Variants in FMN1 observed in about 807,000 individuals in gnomAD.
FMN1 encodes the protein formin 1, also known as formin-1.
Under a neutral mutation model 132.4 loss-of-function variants are expected in FMN1, and 110 were observed. The ratio of observed to expected loss-of-function variants is 0.83; its 90% CI spans 0.71 to 0.97. The LOEUF (loss-of-function observed/expected upper bound fraction) is 0.97. Among genes scored for constraint, FMN1 ranks in the 50% least tolerant of loss-of-function variants. The probability of loss-of-function intolerance (pLI) is 0.00; values close to 1 mark genes in which losing one functional copy is unlikely to be tolerated. For missense variants in FMN1, 1,792 were observed against 1,705.3 expected (o/e 1.05, Z -0.90); for synonymous variants, 722 against 651.7 (o/e 1.11, Z -1.64).
intron 4 of FMN1, chr15:33,149,661 G>T (rs1297158315): frequency 5.3e-6 from 2 of 376,744 alleles, no homozygotes; most frequent in East Asian, 1.7e-4. Context: ...TATATGGGTA[G>T]AATATGGCTG....
At chr15:32,933,692 T>G (rs777974762) in intron 9 of FMN1, among the ~76,000 whole-genome samples, 2 of 152,174 alleles carry the variant, frequency 1.3e-5, no homozygotes, top group Non-Finnish European at 2.9e-5. Flanking sequence ...GAATTGACCC[T>G]TTTATCATTA....
intron 6 of FMN1, among the ~76,000 whole-genome samples, chr15:33,061,817 G>T (rs992362796): frequency 1.3e-5 from 2 of 151,496 alleles, no homozygotes; most frequent in African/African-American, 4.8e-5. Flanking sequence ...TAGCAATTTA[G>T]AAAAAAAAGT....
intron 4 of FMN1, among the ~76,000 whole-genome samples, chr15:33,119,735 T>C (rs1962374715): frequency 6.6e-6 from 1 of 152,214 alleles, no homozygotes; most frequent in Non-Finnish European, 1.5e-5. Flanking sequence ...TAAGCTCTCA[T>C]ATTCTAAAAA....
chr15:33,152,250 A>G (rs1394143295), intron 4 of FMN1, among the ~76,000 whole-genome samples: 2 of 152,228 alleles, frequency 1.3e-5, no homozygotes, highest in African/African-American at 2.4e-5. Context: ...TTTTGGTCCT[A>G]TTGAATCCAC....
chr15:33,019,065 G>C (rs375220201), intron 6 of FMN1, among the ~76,000 whole-genome samples: 48 of 152,274 alleles, frequency 3.2e-4, no homozygotes, highest in East Asian at 3.9e-4. Flanking sequence ...TGCTGGCTCC[G>C]GCAGCCTGCT....
intron 6 of FMN1, among the ~76,000 whole-genome samples, chr15:33,020,133 T>A (rs753164607): frequency 1.3e-5 from 2 of 152,172 alleles, no homozygotes; most frequent in Admixed American, 6.5e-5. Context: ...AACCCCTACT[T>A]GAAGTTGGTC....
chr15:32,936,010 T>G (rs1296496708), intron 9 of FMN1, among the ~76,000 whole-genome samples: 1 of 152,186 alleles, frequency 6.6e-6, no homozygotes, highest in Non-Finnish European at 1.5e-5. Context: ...TCTGCTTCAT[T>G]AAGTCTGCTA....
chr15:33,127,168 A>G (rs1350778709), intron 4 of FMN1, among the ~76,000 whole-genome samples: 1 of 134,310 alleles, frequency 7.4e-6, no homozygotes, highest in Non-Finnish European at 1.7e-5. Flanking sequence ...TCTCTCAAAC[A>G]GAGAGGAGGT....
intron 17 of FMN1, among the ~76,000 whole-genome samples, chr15:32,829,745 A>G (rs2141151033): frequency 6.6e-6 from 1 of 152,308 alleles, no homozygotes; most frequent in East Asian, 1.9e-4. Flanking sequence ...TTACCTGTTT[A>G]AAGGGTAAGA....
At chr15:32,810,746 T>C in intron 17 of FMN1, 1 of 215,492 alleles carries the variant, frequency 4.6e-6, no homozygotes, top group Non-Finnish European at 9.5e-6. Flanking sequence ...TATTTATGGA[T>C]GCCCATCTGG....
intron 6 of FMN1, among the ~76,000 whole-genome samples, chr15:33,048,644 A>AAAAAAAAAAAAAAAAACAAAAACAAAAAC: frequency 3.5e-4 from 30 of 86,930 alleles, no homozygotes; most frequent in African/African-American, 9.9e-4. Context: ...AAAAAAAAAA[A>AAAAAAAAAAAAAAAAACAAAAACAAAAAC]AAAAACCAAC....
At chr15:33,069,599 A>G (rs1051996319) in intron 5 of FMN1, among the ~76,000 whole-genome samples, 5 of 152,230 alleles carry the variant, frequency 3.3e-5, no homozygotes, top group Admixed American at 6.5e-5. Flanking sequence ...TCAGTACTAA[A>G]AACAATCTAA....
chr15:32,806,830 C>T (rs983375979), intron 17 of FMN1, among the ~76,000 whole-genome samples: 1 of 152,154 alleles, frequency 6.6e-6, no homozygotes, highest in Non-Finnish European at 1.5e-5. Flanking sequence ...CTCCAGCTTC[C>T]GTAAATAAAA....
intron 16 of FMN1, 119 bp downstream of exon 16, chr15:32,888,053 G>GT: frequency 1.3e-6 from 1 of 758,698 alleles, no homozygotes; most frequent in Non-Finnish European, 2.0e-6. Flanking sequence ...AAGCTGTAGT[G>GT]TACCATTGCT....
In FMN1 at chr15:32,887,604, CAT is replaced by C. The variant is rs752201355; in HGVS notation, c.3835+566_3835+567del. On this transcript the variant is annotated intron_variant, in intron 16 of 20. Coordinates refer to ENST00000616417, the MANE Select transcript of FMN1 (RefSeq NM_001277313.2). ...CATATATAAACCAAACATACAGGAACATGTGTGTATGTGTACGATATGTATGA... is the reference window on the plus strand; with the variant it reads ...CATATATAAACCAAACATACAGGAACGTGTGTATGTGTACGATATGTATGA... 7.9e-5 allele frequency among the ~76,000 whole-genome samples: 12 copies of C among 152,210 alleles called. No homozygotes were observed. In the East Asian group the frequency reaches 1.4e-3, roughly 17 times the overall value.
chr15:33,018,973 G>A (rs888665631), intron 6 of FMN1, among the ~76,000 whole-genome samples: 7 of 152,194 alleles, frequency 4.6e-5, no homozygotes, highest in Non-Finnish European at 8.8e-5. Flanking sequence ...TGGGCCCAAA[G>A]GAGTGAGCAG....
chr15:33,070,028 C>T (rs569874527), intron 5 of FMN1, among the ~76,000 whole-genome samples: 7 of 65,164 alleles, frequency 1.1e-4, no homozygotes, highest in African/African-American at 1.4e-4. Flanking sequence ...TTTTTGAGAC[C>T]GAGTTTCGCT....
intron 17 of FMN1, among the ~76,000 whole-genome samples, chr15:32,831,059 T>C (rs1322911695): frequency 6.6e-6 from 1 of 152,152 alleles, no homozygotes; most frequent in African/African-American, 2.4e-5. Context: ...GGTCCTCCTT[T>C]AAGTCACATA....
intron 16 of FMN1, among the ~76,000 whole-genome samples, chr15:32,868,138 T>C (rs1005702295): frequency 5.3e-5 from 8 of 152,198 alleles, no homozygotes; most frequent in African/African-American, 1.7e-4. Context: ...TATAAAACAA[T>C]GGTGCCATAA....
Sources: allele counts gnomAD v4.1 joint callset (sites outside exome capture counted in the v4.1 genomes callset), GRCh38; gene constraint gnomAD v4.1.1; transcripts MANE v1.5; gene names NCBI Gene and HGNC (gene_info 2026-07-23, HGNC 2026-07-21).